Variants in POLG2 observed in about 807,000 individuals in gnomAD.
POLG2 encodes the protein DNA polymerase subunit gamma-2.
In POLG2, 50 loss-of-function variants were observed where a neutral mutation model predicts 56.5. The ratio of observed to expected loss-of-function variants is 0.88; its 90% confidence interval spans 0.71 to 1.12. POLG2 has a LOEUF of 1.12. POLG2 is among the 50% of genes most tolerant of loss of function. The pLI is 0.00. For synonymous variants in POLG2, 226 were observed against 222.6 expected (o/e 1.02, Z -0.14); for missense variants, 584 against 583.3 (o/e 1.00, Z -0.01).
intron 7 of POLG2, 77 bp from the exon 8 acceptor site, chr17:64,478,065 C>T: frequency 6.8e-7 from 1 of 1,465,184 alleles, no homozygotes; most frequent in Non-Finnish European, 9.5e-7. Flanking sequence ...AGCTGTAATT[C>T]AGTGTTCATG....
chr17:64,496,232 A>G (rs530802681), intron 1 of POLG2, among the ~76,000 whole-genome samples, 175 bp downstream of exon 1: 1 of 152,306 alleles, frequency 6.6e-6, no homozygotes, highest in Admixed American at 6.5e-5. Flanking sequence ...GATTCCATGG[A>G]CCAGTTTTCT....
intron 4 of POLG2, among the ~76,000 whole-genome samples, chr17:64,486,219 C>T (rs1598125608): frequency 6.6e-6 from 1 of 152,330 alleles, no homozygotes; most frequent in East Asian, 1.9e-4. Flanking sequence ...AATTTTAAAA[C>T]TATGGTGCTT....
rs969072131 is a variant in POLG2 at position 64,496,930 on chromosome 17, G to T, written c.39C>A (p.Val13=). Residue 13 remains valine, a synonymous_variant, in exon 1 of 8, where the codon GTC becomes GTA. Coordinates refer to ENST00000539111, the MANE Select transcript of POLG2 (RefSeq NM_007215.4). ...CAAACCCAGACAACAGGCACCTGCA[G>T]ACCTTATGGCAGGCCCTGACGGCTA... The part of the protein sequence containing the change: ...SRVAVRACHK[V]CRCLLSGFGG... The T allele has an allele frequency of 6.2e-6, 10 of 1,611,298 alleles. No individual in the cohort carries two copies. The highest frequency in any genetic ancestry group is 8.5e-6 in the Non-Finnish European group (10 of 1,180,004).
Position 64,485,753 on chromosome 17 carries a change from G to A in POLG2, c.1085C>T (p.Thr362Ile). Reference sequence around the variant, plus strand: ...CTTTCTATGAAGATTTTTCTTTCTTGTAAAGGAGTTCTCTGTCAGCTGGAA... The same window carrying A: ...CTTTCTATGAAGATTTTTCTTTCTTATAAAGGAGTTCTCTGTCAGCTGGAA... Reference protein sequence around the residue: ...DSFQLTENSFTRKKNLHRKVL... With the variant: ...DSFQLTENSFIRKKNLHRKVL... Residue 362 changes from threonine to isoleucine, a missense_variant, in exon 5 of 8, where the codon ACA (threonine) becomes ATA (isoleucine). Thr to Ile is a moderately conservative substitution (Grantham distance 89). Coordinates refer to ENST00000539111, the MANE Select transcript of POLG2 (RefSeq NM_007215.4). The A allele has an allele frequency of 4.3e-6, 7 of 1,612,982 alleles. No homozygotes were observed. Among genetic ancestry groups the A allele is most frequent in the Non-Finnish European group, 5.9e-6 (7 of 1,178,980 alleles).
intron 3 of POLG2, chr17:64,491,926 GAAA>G: frequency 1.2e-5 from 1 of 80,468 alleles, no homozygotes; most frequent in Non-Finnish European, 2.5e-5. Flanking sequence ...TGGTACTTGT[GAAA>G]AAAAAAAAAC....
In POLG2 at chr17:64,496,958, C is replaced by T; in HGVS notation, c.11G>A (p.Arg4His). The T allele has an allele frequency of 1.2e-6, 2 of 1,606,124 alleles. No homozygotes were observed. The highest frequency in any genetic ancestry group is 1.7e-6 in the Non-Finnish European group (2 of 1,179,920). ...CTTATGGCAGGCCCTGACGGCTACA[C>T]GAGAGCGCATCTCTCTCCGAAGTTA... MRS[R>H]VAVRACHKVC... is the part of the protein sequence containing the mutation. The change falls in exon 1 of 8, where the codon CGT becomes CAT. Residue 4 changes from arginine (R) to histidine (H), a missense_variant. Coordinates refer to ENST00000539111, the MANE Select transcript of POLG2 (RefSeq NM_007215.4).
intron 6 of POLG2, among the ~76,000 whole-genome samples, chr17:64,482,093 A>C (rs2037867323): frequency 1.3e-5 from 2 of 150,534 alleles, no homozygotes; most frequent in South Asian, 4.2e-4. Context: ...TATTTAATTA[A>C]AGCTTTTTTT....
chr17:64,491,120 A>G (rs1480600920), intron 3 of POLG2, 151 bp from the exon 4 acceptor site: 2 of 685,642 alleles, frequency 2.9e-6, no homozygotes, highest in African/African-American at 3.6e-5. Context: ...TTTAAAGTTT[A>G]TTCTAATTTA....
chr17:64,483,033 G>C (rs1237554667), intron 5 of POLG2, 34 bp from the exon 6 acceptor site: 1 of 1,068,516 alleles, frequency 9.4e-7, no homozygotes, highest in Admixed American at 1.8e-5. Context: ...GAGAAGACAG[G>C]AAAGGGGAAA....
intron 3 of POLG2, chr17:64,491,868 G>T: frequency 3.1e-5 from 8 of 259,048 alleles, no homozygotes; most frequent in East Asian, 1.2e-4. Flanking sequence ...GATTGTTGCT[G>T]AATCCTTTCA....
intron 5 of POLG2, among the ~76,000 whole-genome samples, chr17:64,483,445 TC>T (rs1331675275): frequency 1.3e-5 from 2 of 150,220 alleles, no homozygotes; most frequent in East Asian, 3.9e-4. Flanking sequence ...ACCCGGGAGG[TC>T]AAGGCTGCAG....
In POLG2 at chr17:64,497,021, A is replaced by T. The variant is rs1241544644; in HGVS notation, c.-53T>A. On this transcript the variant is annotated 5_prime_UTR_variant, in exon 1 of 8. The change creates a new upstream start codon in the 5' untranslated region. Coordinates refer to ENST00000539111, the MANE Select transcript of POLG2 (RefSeq NM_007215.4). Reference sequence around the variant, plus strand: ...TCCCATCACTCAACGGATCCCAACAAGCCACCACTACCGTTAACAGAATCC... The same window carrying T: ...TCCCATCACTCAACGGATCCCAACATGCCACCACTACCGTTAACAGAATCC... 2 of 1,512,246 alleles carry T rather than the reference A, an allele frequency of 1.3e-6. No individual in the cohort carries two copies. The highest frequency in any genetic ancestry group is 2.7e-5 in the African/African-American group (2 of 73,280). 93.7% of individuals were successfully genotyped at this position (1,512,246 alleles called of 1,614,324 possible). A position where few individuals can be genotyped will look rare whatever the true frequency, so the allele number is the denominator to read the frequency against.
chr17:64,486,150 T>G (rs1231101874), intron 4 of POLG2, among the ~76,000 whole-genome samples: 1 of 152,174 alleles, frequency 6.6e-6, no homozygotes, highest in Non-Finnish European at 1.5e-5. Flanking sequence ...ACGAAGACGA[T>G]AAAGATGCAT....
rs781847382 is a variant in POLG2, at chr17:64,496,974, T to C, written c.-6A>G. 4.4e-6 allele frequency: 7 copies of C among 1,602,806 alleles called. No homozygotes were observed. The highest frequency in any genetic ancestry group is 2.2e-5 in the South Asian group (2 of 91,068). On this transcript the variant is annotated 5_prime_UTR_variant, in exon 1 of 8. Transcript: ENST00000539111. ...ACGGCTACACGAGAGCGCATCTCTC[T>C]CCGAAGTTAAAGAGCACACTCTCCC...
chr17:64,484,773 T>C (rs558006101), intron 5 of POLG2, among the ~76,000 whole-genome samples: 6 of 152,330 alleles, frequency 3.9e-5, no homozygotes, highest in East Asian at 3.9e-4. Flanking sequence ...TTCTCTATGG[T>C]TATAGCAGGC....
chr17:64,492,687 G>T lies in POLG2; in HGVS notation c.775C>A (p.Arg259=). 6.2e-7 allele frequency: 1 copy of T among 1,608,640 alleles called. No homozygotes were observed. ...NQWLDFWLRH[R]LQWWRKFAMS... ...AGTACCTTTCTCCACCACTGGAGTCGATGACGTAACCAGAAATCAAGCCAC... is the reference window on the plus strand; with the variant it reads ...AGTACCTTTCTCCACCACTGGAGTCTATGACGTAACCAGAAATCAAGCCAC... The change falls in exon 3 of 8, where the codon CGA becomes AGA. Residue 259 remains arginine (R), a synonymous_variant. Transcript: ENST00000539111.
chr17:64,481,783 G>A (rs1436426179), intron 6 of POLG2, among the ~76,000 whole-genome samples: 1 of 152,072 alleles, frequency 6.6e-6, no homozygotes, highest in East Asian at 1.9e-4. Context: ...GCTGAGGCAG[G>A]AGAATTGCTT....
chr17:64,485,728 C>T lies in POLG2; in HGVS notation c.1110G>A (p.Lys370=). The T allele has an allele frequency of 1.2e-6, 2 of 1,611,842 alleles. No individual in the cohort carries two copies. Among genetic ancestry groups the T allele is most frequent in the Non-Finnish European group, 8.5e-7 (1 of 1,177,940 alleles). The part of the protein sequence containing the change: ...SFTRKKNLHR[K]VLKLHPCLAP... ...TCTATCTCTGAAATATCAACAGCAC[C>T]TTTCTATGAAGATTTTTCTTTCTTG... The change falls in exon 5 of 8, where the codon AAG becomes AAA. Residue 370 remains lysine, a splice_region_variant and synonymous_variant. Coordinates refer to ENST00000539111, the MANE Select transcript of POLG2 (RefSeq NM_007215.4).
At chr17:64,484,416 G>C (rs183247957) in intron 5 of POLG2, among the ~76,000 whole-genome samples, 1 of 152,306 alleles carries the variant, frequency 6.6e-6, no homozygotes, top group African/African-American at 2.4e-5. Flanking sequence ...AGTGCTGCTG[G>C]AGCAGACTGA....
Sources: allele counts gnomAD v4.1 joint callset (sites outside exome capture counted in the v4.1 genomes callset), GRCh38; gene constraint gnomAD v4.1.1; transcripts MANE v1.5; gene names NCBI Gene and HGNC (gene_info 2026-07-23, HGNC 2026-07-21).